The following SNX19 variants were observed in gnomAD, a reference collection of about 807,000 sequenced individuals.
SNX19 encodes sorting nexin-19.
In SNX19, 60 loss-of-function variants were observed where a neutral mutation model predicts 85.2. The ratio of observed to expected loss-of-function variants is 0.70; its 90% CI spans 0.57 to 0.87. The LOEUF is 0.87. Ranked by LOEUF, SNX19 falls within the 40% of genes least tolerant of loss-of-function variation. The pLI, the probability that SNX19 is intolerant of heterozygous loss-of-function variation, is 0.00. For synonymous variants in SNX19, 520 were observed against 470.0 expected, an observed-to-expected ratio of 1.11 and a Z score of -1.38; for missense variants, 1,201 against 1,217.8, an observed-to-expected ratio of 0.99 and a Z score of 0.21.
At position 130,880,634 on chromosome 11, in the gene SNX19, C is replaced by T. The variant is rs1222960457; in HGVS notation, c.2746G>A (p.Gly916Arg). ...TTGGTCCAATTACCTGGGAGGACTC[C>T]CATCAGGCTCTGCAAAGCCTGTTTC... ...AEKQALQSLM[G>R]VLPDLVVEIL... Residue 916 changes from glycine to arginine, a missense_variant, in exon 9 of 11, where the codon GGA (glycine) becomes AGA (arginine). Gly to Arg is a moderately radical substitution (Grantham distance 125, BLOSUM62 -2). This residue lies in a region of SNX19 where 285 missense variants were observed against 295.3 expected (regional missense o/e 0.97). Coordinates refer to ENST00000265909, the MANE Select transcript of SNX19 (RefSeq NM_014758.3). 1.9e-6 allele frequency: 3 copies of T among 1,597,754 alleles called. No homozygotes were observed. In the South Asian group the frequency reaches 3.3e-5, roughly 18 times the overall value.
chr11:130,909,572 T>C (rs925198319), intron 4 of SNX19, among the ~76,000 whole-genome samples: 2 of 152,168 alleles, frequency 1.3e-5, no homozygotes, highest in East Asian at 3.9e-4. Context: ...CTCTCCATAC[T>C]CTGTTCTCTA....
intron 8 of SNX19, among the ~76,000 whole-genome samples, chr11:130,893,227 G>C (rs776378359): frequency 2.0e-5 from 3 of 152,052 alleles, no homozygotes; most frequent in Non-Finnish European, 4.4e-5. Flanking sequence ...TCGCAGAAGG[G>C]GCTGACCTCC....
At position 130,867,965 on chromosome 11, in the gene SNX19, G is replaced by A. The variant is rs1209650393; in HGVS notation, c.*10457C>T. On this transcript the variant is annotated 3_prime_UTR_variant, in exon 11 of 11. Coordinates refer to ENST00000265909, the MANE Select transcript of SNX19 (RefSeq NM_014758.3). The stretch of plus-strand genomic sequence containing the variant: ...TTTCCTTTGGGTGGCTTTGGGGGGA[G>A]TGAAATTTTTATGAGAACCCACATC... 1 of 152,202 alleles carries A rather than the reference G, an allele frequency of 6.6e-6. No homozygotes were observed. The highest frequency in any genetic ancestry group is 2.4e-5 in the African/African-American group (1 of 41,442). The allele number at this position is 152,202 out of a possible 1,614,324, so 9.4% of individuals were successfully genotyped here.
intron 8 of SNX19, among the ~76,000 whole-genome samples, chr11:130,902,349 C>T (rs1325418906): frequency 1.3e-5 from 2 of 152,176 alleles, no homozygotes; most frequent in African/African-American, 4.8e-5. Flanking sequence ...TCCTACATAA[C>T]TTAGAAAAGG....
chr11:130,888,657 TG>T (rs1270682233), intron 8 of SNX19, among the ~76,000 whole-genome samples: 1 of 152,198 alleles, frequency 6.6e-6, no homozygotes, highest in Non-Finnish European at 1.5e-5. Flanking sequence ...AAATAAATGT[TG>T]GGGTCAAGAA....
chr11:130,907,993 T>C lies in SNX19; in HGVS notation c.2125A>G (p.Thr709Ala). 6.2e-7 allele frequency: 1 copy of C among 1,614,144 alleles called. No homozygotes were observed. The highest frequency in any genetic ancestry group is 8.5e-7 in the Non-Finnish European group (1 of 1,180,022). Residue 709 changes from threonine (T) to alanine (A), a missense_variant, in exon 5 of 11, where the codon ACC (threonine) becomes GCC (alanine). By Grantham distance (58) the Thr-to-Ala change is moderately conservative. This residue lies in a region of SNX19 where 125 missense variants were observed against 171.6 expected (regional missense o/e 0.73). Transcript: ENST00000265909. ...CCTTCTGTCTGGGGCTTGCTTTCGG[T>C]CTCGGCCTCACTCAGCTCCTCTGTG... ...SPTEELSEAE[T>A]ESKPQTEGKK...
intron 1 of SNX19, 83 bp downstream of exon 1, chr11:130,914,183 C>T (rs1946356188): frequency 8.4e-7 from 1 of 1,183,488 alleles, no homozygotes; most frequent in Non-Finnish European, 1.2e-6. Context: ...AACAGCATCT[C>T]TCCCCCAAGA....
rs1281488641 is a variant in SNX19 at position 130,915,817 on chromosome 11, G to C, written c.123C>G (p.Val41=). 1.9e-6 allele frequency: 3 copies of C among 1,614,088 alleles called. No homozygotes were observed. The highest frequency in any genetic ancestry group is 1.7e-6 in the Non-Finnish European group (2 of 1,180,050). Residue 41 remains valine (V), a synonymous_variant, in exon 1 of 11, where the codon GTC becomes GTG. Transcript: ENST00000265909. The stretch of plus-strand genomic sequence containing the variant: ...GCCACACGTTGACCAGAAGGTGTAT[G>C]ACCAGGAGCCAGCCAAGCAAGACCC... ...AVGVLLGWLL[V]IHLLVNVWLL... is the part of the protein sequence containing the mutation.
At chr11:130,911,544 T>C in intron 2 of SNX19, 89 bp downstream of exon 2, 1 of 1,580,832 alleles carries the variant, frequency 6.3e-7, no homozygotes, top group East Asian at 2.2e-5. Flanking sequence ...GGCATTCTCC[T>C]CCCCGATCCC....
At chr11:130,889,249 A>ATGTTCACCTAGAATCTGATCGCAGTTAAC (rs1474073084) in intron 8 of SNX19, among the ~76,000 whole-genome samples, 22 of 152,128 alleles carry the variant, frequency 1.4e-4, no homozygotes, top group African/African-American at 4.8e-4. Context: ...TTTTTAAAAT[A>ATGTTCACCTAGAATCTGATCGCAGTTAAC]TGTTCACCTA....
intron 8 of SNX19, chr11:130,895,279 C>T: frequency 1.0e-6 from 1 of 981,292 alleles, no homozygotes; most frequent in Non-Finnish European, 1.2e-6. Context: ...TCTGGGTATG[C>T]CCTGTGTGGA....
chr11:130,872,731 G>C lies in SNX19; in HGVS notation c.*5691C>G, dbSNP rs1236205163. On this transcript the variant is annotated 3_prime_UTR_variant, in exon 11 of 11. Transcript: ENST00000265909. ...AGCAGAGGGGCCAAGTTATGGCAGAGTGCGCCCAGTTAGGCCTTCGACTAC... is the reference window on the plus strand; with the variant it reads ...AGCAGAGGGGCCAAGTTATGGCAGACTGCGCCCAGTTAGGCCTTCGACTAC... Among the ~76,000 whole-genome samples, 2 of 152,162 alleles carry C rather than the reference G, an allele frequency of 1.3e-5. No homozygotes were observed. The highest frequency in any genetic ancestry group is 2.9e-5 in the Non-Finnish European group (2 of 68,044).
intron 8 of SNX19, among the ~76,000 whole-genome samples, chr11:130,901,575 A>T (rs1450773009): frequency 1.3e-5 from 2 of 152,218 alleles, no homozygotes; most frequent in African/African-American, 2.4e-5. Context: ...ACCACAGAAT[A>T]TTCAGGCAAT....
At chr11:130,906,249 C>G in intron 6 of SNX19, 116 bp from the exon 7 acceptor site, 1 of 1,020,120 alleles carries the variant, frequency 9.8e-7, no homozygotes, top group Non-Finnish European at 1.4e-6. Flanking sequence ...TAAAACCCAA[C>G]TGATGCTATG....
intron 8 of SNX19, chr11:130,892,975 AG>A: frequency 6.6e-6 from 1 of 152,376 alleles, no homozygotes; most frequent in Admixed American, 6.5e-5. Flanking sequence ...TGGAGGGGAA[AG>A]GGCAGGGAGA....
chr11:130,886,295 T>A (rs192563241), intron 8 of SNX19, among the ~76,000 whole-genome samples: 2 of 152,136 alleles, frequency 1.3e-5, no homozygotes, highest in African/African-American at 2.4e-5. Context: ...TACATATATA[T>A]GTATATATCA....
rs2135433512 is a variant in SNX19, at chr11:130,915,741, A to G, written c.199T>C (p.Ser67Pro). ...LLVVLGGWLGSSLAGVASGRL... is the reference protein window; with the variant it reads ...LLVVLGGWLGPSLAGVASGRL... ...CCTGAAGCCACTCCAGCGAGGCTGG[A>G]GCCCAGCCATCCTCCCAGCACCACT... Residue 67 changes from serine (S) to proline (P), a missense_variant, in exon 1 of 11, where the codon TCC (serine) becomes CCC (proline). By Grantham distance (74) the Ser-to-Pro change is moderately conservative. Coordinates refer to ENST00000265909, the MANE Select transcript of SNX19 (RefSeq NM_014758.3). 6.2e-7 allele frequency: 1 copy of G among 1,614,184 alleles called. No individual in the cohort carries two copies. The highest frequency in any genetic ancestry group is 2.2e-5 in the East Asian group (1 of 44,872).
intron 5 of SNX19, among the ~76,000 whole-genome samples, chr11:130,907,612 G>A (rs983975957): frequency 6.6e-6 from 1 of 152,142 alleles, no homozygotes; most frequent in Non-Finnish European, 1.5e-5. Flanking sequence ...TCAGTTATAA[G>A]CCTTAATTCT....
In SNX19 at chr11:130,880,622, C is replaced by T; in HGVS notation, c.2758G>A (p.Asp920Asn). 1 of 1,588,080 alleles carries T rather than the reference C, an allele frequency of 6.3e-7. No homozygotes were observed. Among genetic ancestry groups the T allele is most frequent in the Non-Finnish European group, 8.6e-7 (1 of 1,159,778 alleles). Residue 920 changes from aspartate to asparagine, a missense_variant and splice_region_variant, in exon 9 of 11, where the codon GAT becomes AAT. This residue lies in a region of SNX19 where 285 missense variants were observed against 295.3 expected (regional missense o/e 0.97). Transcript: ENST00000265909. ...TAATTGATCTCATTGGTCCAATTAC[C>T]TGGGAGGACTCCCATCAGGCTCTGC... ...ALQSLMGVLP[D>N]LVVEILGVNK...
Sources: gnomAD v4.1 joint callset for allele counts (sites outside exome capture counted in the v4.1 genomes callset) on GRCh38, gnomAD v4.1.1 for gene constraint, gnomAD v4.1.1 regional missense constraint, MANE v1.5 for transcripts, NCBI Gene and HGNC (gene_info 2026-07-23, HGNC 2026-07-21) for gene names.